NXNL2: variants seen among roughly 807,000 people sequenced by gnomAD.
NXNL2 encodes nucleoredoxin like 2.
In NXNL2, 7 loss-of-function variants were observed where a neutral mutation model predicts 11.1. That is an observed-to-expected ratio of 0.63 (90% confidence interval 0.36 to 1.18). The LOEUF (loss-of-function observed/expected upper bound fraction) is 1.18. Among genes scored for constraint, NXNL2 ranks in the 50% most tolerant of loss-of-function variants. The pLI is 0.02. For missense variants in NXNL2, 233 were observed against 217.7 expected, an observed-to-expected ratio of 1.07 and a Z score of -0.44; for synonymous variants, 109 against 101.8, an observed-to-expected ratio of 1.07 and a Z score of -0.42.
At chr9:88,581,585 T>G (rs868715488) in intron 1 of NXNL2, among the ~76,000 whole-genome samples, 1 of 152,196 alleles carries the variant, frequency 6.6e-6, no homozygotes, top group African/African-American at 2.4e-5. Context: ...TAGCTGCAAT[T>G]ACAGGCATGC....
intron 1 of NXNL2, among the ~76,000 whole-genome samples, chr9:88,536,278 G>T (rs1251673844): frequency 6.6e-6 from 1 of 152,210 alleles, no homozygotes; most frequent in African/African-American, 2.4e-5. Context: ...AGGGACGGGG[G>T]CTTCAAGGCT....
At position 88,535,595 on chromosome 9, in the gene NXNL2, C is replaced by T. The variant is rs1243313885; in HGVS notation, c.161C>T (p.Ala54Val). Residue 54 changes from alanine to valine, a missense_variant, in exon 1 of 2, where the codon GCG becomes GTG. By Grantham distance (64) the Ala-to-Val change is moderately conservative. Coordinates refer to ENST00000375854, the MANE Select transcript of NXNL2 (RefSeq NM_001161625.2). ...CCGCTGCTCTGCGACTTCTATACGGCGCTGGTGGCCGAGGCGCGGCGGCCC... is the reference window on the plus strand; with the variant it reads ...CCGCTGCTCTGCGACTTCTATACGGTGCTGGTGGCCGAGGCGCGGCGGCCC... The part of the protein sequence containing the change: ...FTPLLCDFYT[A>V]LVAEARRPAP... The T allele has an allele frequency of 1.2e-5, 20 of 1,609,392 alleles. No homozygotes were observed. Among genetic ancestry groups the T allele is most frequent in the Non-Finnish European group, 1.7e-5 (20 of 1,179,322 alleles).
chr9:88,564,097 G>C (rs1325431505), intron 1 of NXNL2, among the ~76,000 whole-genome samples: 3 of 151,712 alleles, frequency 2.0e-5, no homozygotes, highest in Non-Finnish European at 4.4e-5. Context: ...TGTAATCCCA[G>C]CTACTCAGGA....
intron 1 of NXNL2, among the ~76,000 whole-genome samples, chr9:88,556,018 C>T (rs929758821): frequency 1.3e-5 from 2 of 152,164 alleles, no homozygotes; most frequent in African/African-American, 4.8e-5. Flanking sequence ...GTGCTGGCAT[C>T]TGGATGAGGG....
At chr9:88,536,412 G>A (rs1829619602) in intron 1 of NXNL2, among the ~76,000 whole-genome samples, 1 of 152,186 alleles carries the variant, frequency 6.6e-6, no homozygotes, top group African/African-American at 2.4e-5. Context: ...TTGCAAAGGA[G>A]GGGGTAGGGA....
At chr9:88,563,378 C>G (rs1011583759) in intron 1 of NXNL2, among the ~76,000 whole-genome samples, 1 of 152,204 alleles carries the variant, frequency 6.6e-6, no homozygotes, top group Non-Finnish European at 1.5e-5. Context: ...CCTGACTTCC[C>G]ATAGCTCAGG....
At chr9:88,572,594 G>A (rs80194981) in intron 2 of NXNL2, among the ~76,000 whole-genome samples, 3 of 152,144 alleles carry the variant, frequency 2.0e-5, no homozygotes, top group South Asian at 4.1e-4. Context: ...AGCTCCTGCC[G>A]ACCCCGGCAA....
intron 1 of NXNL2, among the ~76,000 whole-genome samples, chr9:88,557,202 G>C (rs546041139): frequency 3.9e-5 from 6 of 152,076 alleles, no homozygotes; most frequent in Middle Eastern, 3.4e-3. Context: ...CCATTCTTTG[G>C]AATACATTCT....
chr9:88,552,318 G>T (rs1253606171), intron 1 of NXNL2, among the ~76,000 whole-genome samples: 1 of 151,604 alleles, frequency 6.6e-6, no homozygotes, highest in Admixed American at 6.6e-5. Flanking sequence ...GAGTGAAATT[G>T]CATGCATGTG....
intron 1 of NXNL2, among the ~76,000 whole-genome samples, chr9:88,556,802 T>A (rs1328141947): frequency 6.6e-6 from 1 of 151,980 alleles, no homozygotes; most frequent in African/African-American, 2.4e-5. Context: ...TTAGGCCAGG[T>A]GCAAGCGGCT....
intron 1 of NXNL2, among the ~76,000 whole-genome samples, chr9:88,562,691 G>A (rs1830100792): frequency 6.6e-6 from 1 of 151,942 alleles, no homozygotes; most frequent in African/African-American, 2.4e-5. Context: ...GGTGGAGGTT[G>A]CAGTGAGCTG....
downstream of NXNL2, among the ~76,000 whole-genome samples, chr9:88,577,465 C>T (rs140536750): frequency 5.8e-4 from 88 of 152,236 alleles, no homozygotes; most frequent in African/African-American, 2.0e-3. Context: ...CATGATACCA[C>T]AGGCTGGGGG....
chr9:88,574,205 C>A (rs745483178), intron 2 of NXNL2, among the ~76,000 whole-genome samples: 18 of 152,200 alleles, frequency 1.2e-4, no homozygotes, highest in African/African-American at 2.2e-4. Context: ...TTGTCAAACA[C>A]TGGAAGCAAC....
At position 88,544,892 on chromosome 9, in the gene NXNL2, A is replaced by T. The variant is rs1829827121; in HGVS notation, c.*345A>T. On this transcript the variant is annotated 3_prime_UTR_variant, in exon 2 of 2. Transcript: ENST00000375854. ...TTCAGGTAAAATAATATATTTATTGATAACATTTTCTGGCGATCTGTTTAT... is the reference window on the plus strand; with the variant it reads ...TTCAGGTAAAATAATATATTTATTGTTAACATTTTCTGGCGATCTGTTTAT... The T allele has an allele frequency of 1.0e-6, 1 of 999,070 alleles. No individual in the cohort carries two copies. Among genetic ancestry groups the T allele is most frequent in the Admixed American group, 5.7e-5 (1 of 17,554 alleles). The allele number at this position is 999,070 out of a possible 1,614,324, so 61.9% of individuals were successfully genotyped here.
chr9:88,547,634 C>T (rs1829863283), downstream of NXNL2, among the ~76,000 whole-genome samples: 1 of 152,198 alleles, frequency 6.6e-6, no homozygotes, highest in Non-Finnish European at 1.5e-5. Flanking sequence ...AAAAGAGCCT[C>T]TGTTTTAGTC....
chr9:88,565,653 T>C (rs1054530053), intron 1 of NXNL2, among the ~76,000 whole-genome samples: 2 of 152,170 alleles, frequency 1.3e-5, no homozygotes, highest in Non-Finnish European at 2.9e-5. Context: ...TTCTCCTGTC[T>C]CAGCCTCCTG....
chr9:88,535,742 T>C lies in NXNL2; in HGVS notation c.302+6T>C. 6.5e-7 allele frequency: 1 copy of C among 1,537,838 alleles called. No homozygotes were observed. On this transcript the variant is annotated splice_donor_region_variant and intron_variant, in intron 1 of 1. Transcript: ENST00000375854. Reference sequence around the variant, plus strand: ...TTCCACGACCCCTACCGGCAGTGAGTGGGGGTCCTGGGGGGGCGGGGGCCG... The same window carrying C: ...TTCCACGACCCCTACCGGCAGTGAGCGGGGGTCCTGGGGGGGCGGGGGCCG...
chr9:88,583,488 C>G (rs1323349894), intron 1 of NXNL2, among the ~76,000 whole-genome samples: 2 of 152,182 alleles, frequency 1.3e-5, no homozygotes, highest in Non-Finnish European at 2.9e-5. Context: ...GGTCTCTGGT[C>G]AGCATCTGAG....
At chr9:88,544,196 G>GAAAAAT (rs1829814858) in intron 1 of NXNL2, among the ~76,000 whole-genome samples, 183 bp from the exon 2 acceptor site, 1 of 152,242 alleles carries the variant, frequency 6.6e-6, no homozygotes, top group Admixed American at 6.5e-5. Context: ...AAAAGAAAAA[G>GAAAAAT]AAATAGTAGC....
Sources: allele counts gnomAD v4.1 joint callset (sites outside exome capture counted in the v4.1 genomes callset), GRCh38; gene constraint gnomAD v4.1.1; transcripts MANE v1.5; gene names NCBI Gene and HGNC (gene_info 2026-07-23, HGNC 2026-07-21).